LRCH2: variants seen among roughly 807,000 people sequenced by gnomAD.
LRCH2 encodes the protein leucine rich repeats and calponin homology domain containing 2.
Under a neutral mutation model 68.9 loss-of-function variants are expected in LRCH2, and 38 were observed. The ratio of observed to expected loss-of-function variants is 0.55; its 90% confidence interval spans 0.43 to 0.72. The LOEUF is 0.72. LRCH2 is among the 30% of genes least tolerant of loss of function. The pLI is 0.00. For missense variants in LRCH2, 528 were observed against 572.9 expected (o/e 0.92, Z 0.80); for synonymous variants, 191 against 208.1 (o/e 0.92, Z 0.71).
At chrX:115,153,927 T>C (rs149885464) in intron 12 of LRCH2, among the ~76,000 whole-genome samples, 2,960 of 111,676 alleles carry the variant, frequency 0.027, 46 homozygotes, top group Non-Finnish European at 0.044. Flanking sequence ...AAAACATAAA[T>C]GATTTTTAAC....
At chrX:115,177,443 T>C (rs2072659039) in intron 5 of LRCH2, among the ~76,000 whole-genome samples, 1 of 110,932 alleles carries the variant, frequency 9.0e-6, no homozygotes, top group South Asian at 3.8e-4. Context: ...CTGCCTGAAA[T>C]ATGTAAGACA....
At position 115,192,071 on chromosome X, in the gene LRCH2, C is replaced by G; in HGVS notation, c.350-3701G>C. On this transcript the variant is annotated intron_variant, in intron 1 of 20. Coordinates refer to ENST00000317135, the MANE Select transcript of LRCH2 (RefSeq NM_020871.4). ...CACGACACCCACAGCAGGGGCCGAT[C>G]GCCCGATGCCCACAGCGGGGACCAC... The G allele has an allele frequency of 4.3e-6, 5 of 1,162,677 alleles. No individual in the cohort carries two copies. In the South Asian group the frequency reaches 9.5e-5, roughly 22 times the overall value.
chrX:115,189,875 C>T (rs62601527), intron 1 of LRCH2: 13 of 1,163,556 alleles, frequency 1.1e-5, no homozygotes, highest in East Asian at 6.5e-5. Flanking sequence ...TACAGGGCCC[C>T]GATGCCCAGG....
intron 6 of LRCH2, among the ~76,000 whole-genome samples, chrX:115,168,290 G>C (rs2072579529): frequency 9.0e-6 from 1 of 111,636 alleles, no homozygotes; most frequent in Non-Finnish European, 1.9e-5. Flanking sequence ...AATTTTCTAA[G>C]TAGTTCAATA....
intron 1 of LRCH2, among the ~76,000 whole-genome samples, chrX:115,203,886 T>C (rs968340662): frequency 2.7e-5 from 3 of 112,258 alleles, no homozygotes; most frequent in Non-Finnish European, 5.6e-5. Context: ...ACAGCTTCAC[T>C]AGGCACTGCC....
At chrX:115,147,292 T>C (rs1041234591) in intron 14 of LRCH2, among the ~76,000 whole-genome samples, 1 of 111,606 alleles carries the variant, frequency 9.0e-6, no homozygotes, top group Non-Finnish European at 1.9e-5. Flanking sequence ...GTCATGAAAA[T>C]AGTGACAATT....
chrX:115,115,806 C>A (rs1342628792), intron 20 of LRCH2, among the ~76,000 whole-genome samples: 1 of 109,358 alleles, frequency 9.1e-6, no homozygotes, highest in African/African-American at 3.3e-5. Flanking sequence ...TCATGTATCT[C>A]TTAGGCAATT....
chrX:115,170,447 T>C lies in LRCH2; in HGVS notation c.865-15A>G. On this transcript the variant is annotated splice_polypyrimidine_tract_variant and intron_variant, in intron 5 of 20. Transcript: ENST00000317135. Reference sequence around the variant, plus strand: ...TTTAAACATATCTGTCAATAAAAAATAAAGATTTAATTATATAGTTCCAAA... The same window carrying C: ...TTTAAACATATCTGTCAATAAAAAACAAAGATTTAATTATATAGTTCCAAA... The C allele has an allele frequency of 9.4e-7, 1 of 1,062,156 alleles. No individual in the cohort carries two copies. The highest frequency in any genetic ancestry group is 2.8e-5 in the South Asian group (1 of 36,086). The allele number at this position is 1,062,156 out of a possible 1,213,427, so 87.5% of individuals were successfully genotyped here.
At chrX:115,175,744 C>T (rs868993211) in intron 5 of LRCH2, among the ~76,000 whole-genome samples, 22 of 112,075 alleles carry the variant, frequency 2.0e-4, no homozygotes, top group African/African-American at 6.8e-4. Flanking sequence ...GGGAACATCC[C>T]CTCTCCACCC....
intron 3 of LRCH2, among the ~76,000 whole-genome samples, chrX:115,182,924 A>G (rs1002477698): frequency 6.4e-5 from 7 of 109,960 alleles, no homozygotes; most frequent in African/African-American, 9.9e-5. Flanking sequence ...AGTTGTCATT[A>G]TCTATATTTC....
intron 20 of LRCH2, among the ~76,000 whole-genome samples, chrX:115,121,310 G>T (rs782156255): frequency 2.8e-4 from 31 of 111,126 alleles, no homozygotes; most frequent in Admixed American, 4.8e-4. Context: ...CTGAAAGATT[G>T]AGAGTAGAAA....
At chrX:115,195,190 A>G (rs2072878305) in intron 1 of LRCH2, among the ~76,000 whole-genome samples, 1 of 109,833 alleles carries the variant, frequency 9.1e-6, no homozygotes, top group African/African-American at 3.3e-5. Flanking sequence ...AGGCCAAGGC[A>G]GGAGAATTGC....
intron 5 of LRCH2, among the ~76,000 whole-genome samples, chrX:115,177,638 T>C (rs1556551232): frequency 8.9e-6 from 1 of 112,138 alleles, no homozygotes; most frequent in Non-Finnish European, 1.9e-5. Context: ...TCTATTTATT[T>C]ATTTTACTTT....
intron 1 of LRCH2, among the ~76,000 whole-genome samples, chrX:115,201,499 A>T (rs1442341142): frequency 8.9e-6 from 1 of 111,782 alleles, no homozygotes; most frequent in African/African-American, 3.3e-5. Flanking sequence ...TCAACAAACT[A>T]GGCATAGAAG....
intron 14 of LRCH2, among the ~76,000 whole-genome samples, chrX:115,136,935 A>G (rs1247422685): frequency 8.9e-6 from 1 of 112,079 alleles, no homozygotes; most frequent in East Asian, 2.8e-4. Context: ...ATTGATACAT[A>G]ATTGTACATA....
At chrX:115,163,909 T>C (rs1556543277) in intron 10 of LRCH2, 126 bp from the exon 11 acceptor site, 1 of 434,143 alleles carries the variant, frequency 2.3e-6, no homozygotes. Flanking sequence ...GGTCCTTCTT[T>C]TAAAATGCTA....
At chrX:115,129,669 T>C (rs184453554) in intron 15 of LRCH2, among the ~76,000 whole-genome samples, 63 of 111,871 alleles carry the variant, frequency 5.6e-4, no homozygotes, top group African/African-American at 1.9e-3. Flanking sequence ...TAAGTATTTA[T>C]GGTAATGAGA....
intron 1 of LRCH2, among the ~76,000 whole-genome samples, chrX:115,197,275 T>C (rs2072894551): frequency 9.0e-6 from 1 of 110,528 alleles, no homozygotes; most frequent in African/African-American, 3.3e-5. Context: ...GTAATAATTC[T>C]CCAGCAGTAG....
At position 115,149,868 on chromosome X, in the gene LRCH2, C is replaced by T. The variant is rs1556537769; in HGVS notation, c.1654G>A (p.Glu552Lys). 4 of 1,205,060 alleles carry T rather than the reference C, an allele frequency of 3.3e-6. No homozygotes were observed. The South Asian group carries it at 7.1e-5, about 21-fold the overall frequency. The change falls in exon 14 of 21, where the codon GAA (glutamate) becomes AAA (lysine). Residue 552 changes from glutamate to lysine, a missense_variant. Glu to Lys is a moderately conservative substitution (Grantham distance 56). Transcript: ENST00000317135. ...CTAATCTGTTTGCTCCGCCTCCTTT[C>T]TTCACTCTGCCAGATTATAGGGTGA... ...ESHPIIWQSEERRRSKQIRKE... is the reference protein window; with the variant it reads ...ESHPIIWQSEKRRRSKQIRKE...
Sources: gnomAD v4.1 joint callset for allele counts (sites outside exome capture counted in the v4.1 genomes callset) on GRCh38, gnomAD v4.1.1 for gene constraint, MANE v1.5 for transcripts, NCBI Gene and HGNC (gene_info 2026-07-23, HGNC 2026-07-21) for gene names.